The following WASHC5 variants were observed in gnomAD, a reference collection of about 807,000 sequenced individuals.
WASHC5 encodes WASH complex subunit 5.
Under a neutral mutation model 150.4 loss-of-function variants are expected in WASHC5, and 101 were observed. The observed-to-expected ratio is 0.67, with a 90% CI of 0.57 to 0.79. WASHC5 has a LOEUF of 0.79. WASHC5 is among the 30% of genes least tolerant of loss of function. WASHC5 has a pLI of 0.00. For missense variants in WASHC5, 1,195 were observed against 1,396.3 expected, an observed-to-expected ratio of 0.86 and a Z score of 2.30; for synonymous variants, 467 against 491.2, an observed-to-expected ratio of 0.95 and a Z score of 0.65.
Position 125,032,240 on chromosome 8 carries a change from C to T in WASHC5, c.3335+1G>A. The T allele has an allele frequency of 6.2e-7, 1 of 1,614,062 alleles. No individual in the cohort carries two copies. On this transcript the variant is annotated splice_donor_variant, in intron 27 of 28. Coordinates refer to ENST00000318410, the MANE Select transcript of WASHC5 (RefSeq NM_014846.4). LOFTEE classifies it high-confidence loss of function. ...ACGTAGTCCTGGTTGGTCTTCTGTACCTTGTACACTGCTCCACCGTGGAGC... is the reference window on the plus strand; with the variant it reads ...ACGTAGTCCTGGTTGGTCTTCTGTATCTTGTACACTGCTCCACCGTGGAGC...
At chr8:125,076,686 T>C (rs1369444422) in intron 6 of WASHC5, among the ~76,000 whole-genome samples, 186 bp from the exon 7 acceptor site, 1 of 150,774 alleles carries the variant, frequency 6.6e-6, no homozygotes, top group Non-Finnish European at 1.5e-5. Flanking sequence ...TTCTTATTCC[T>C]AACACCATAA....
At chr8:125,064,398 T>G (rs1816691243) in intron 10 of WASHC5, among the ~76,000 whole-genome samples, 1 of 151,300 alleles carries the variant, frequency 6.6e-6, no homozygotes, top group Non-Finnish European at 1.5e-5. Flanking sequence ...TTTTTTTTTT[T>G]TGCAGAGATG....
chr8:125,066,880 C>T (rs1357427171), intron 10 of WASHC5, among the ~76,000 whole-genome samples: 1 of 152,242 alleles, frequency 6.6e-6, no homozygotes, highest in Non-Finnish European at 1.5e-5. Flanking sequence ...CTTCCCCAGG[C>T]CCCTTCAGAA....
rs1815977710 is a variant in WASHC5 at position 125,044,041 on chromosome 8, G to A, written c.2721C>T (p.Asp907=). Residue 907 remains aspartate, a synonymous_variant, in exon 22 of 29, where the codon GAC becomes GAT. Coordinates refer to ENST00000318410, the MANE Select transcript of WASHC5 (RefSeq NM_014846.4). Reference sequence around the variant, plus strand: ...CAGCATTCATGAGGGTTTTTAAAGTGTCCTGAACAGTTCTGTCTCTCAGGA... The same window carrying A: ...CAGCATTCATGAGGGTTTTTAAAGTATCCTGAACAGTTCTGTCTCTCAGGA... ...KIILRDRTVQ[D]TLKTLMNAVS... The A allele has an allele frequency of 3.1e-6, 5 of 1,613,662 alleles. No individual in the cohort carries two copies. The highest frequency in any genetic ancestry group is 1.1e-5 in the South Asian group (1 of 91,070).
At chr8:125,036,418 T>A (rs1815707476) in intron 26 of WASHC5, among the ~76,000 whole-genome samples, 1 of 152,206 alleles carries the variant, frequency 6.6e-6, no homozygotes, top group South Asian at 2.1e-4. Context: ...ACGCCTGTAA[T>A]CTCAGCCCTT....
intron 2 of WASHC5, 22 bp downstream of exon 2, chr8:125,083,691 A>C: frequency 1.3e-6 from 2 of 1,571,078 alleles, no homozygotes; most frequent in Non-Finnish European, 1.7e-6. Context: ...ACAACAATAA[A>C]AATGCTATAG....
chr8:125,064,770 A>AT (rs911888713), intron 10 of WASHC5, among the ~76,000 whole-genome samples: 1 of 152,152 alleles, frequency 6.6e-6, no homozygotes, highest in Non-Finnish European at 1.5e-5. Context: ...TGCCAGCATC[A>AT]TAATAAATCT....
At chr8:125,057,813 A>T in intron 14 of WASHC5, 147 bp from the exon 15 acceptor site, 1 of 623,866 alleles carries the variant, frequency 1.6e-6, no homozygotes, top group Middle Eastern at 4.3e-4. Flanking sequence ...TTTTTGAAAA[A>T]CCCAAGTTAA....
intron 5 of WASHC5, among the ~76,000 whole-genome samples, chr8:125,080,691 C>T (rs1385606124): frequency 6.6e-6 from 1 of 152,162 alleles, no homozygotes; most frequent in African/African-American, 2.4e-5. Context: ...GCTCATTCAA[C>T]CAATTGAAAA....
At chr8:125,055,560 G>A in intron 17 of WASHC5, 31 bp downstream of exon 17, 1 of 1,311,928 alleles carries the variant, frequency 7.6e-7, no homozygotes, top group Non-Finnish European at 1.1e-6. Context: ...GAGTCATGGT[G>A]CGAGGCCACG....
intron 26 of WASHC5, among the ~76,000 whole-genome samples, chr8:125,034,857 C>T (rs1384373268): frequency 6.6e-6 from 1 of 152,190 alleles, no homozygotes; most frequent in African/African-American, 2.4e-5. Flanking sequence ...TAACAACAAA[C>T]ACTTCTACAA....
At chr8:125,028,203 A>G (rs1815424398) in intron 28 of WASHC5, among the ~76,000 whole-genome samples, 1 of 152,240 alleles carries the variant, frequency 6.6e-6, no homozygotes, top group South Asian at 2.1e-4. Context: ...CCATTTTTGG[A>G]AACAGTGCTC....
intron 8 of WASHC5, among the ~76,000 whole-genome samples, chr8:125,074,760 T>C (rs550452397): frequency 2.0e-5 from 3 of 152,304 alleles, no homozygotes; most frequent in Admixed American, 1.3e-4. Flanking sequence ...GCCATGCTTC[T>C]TTGTCTTAGG....
chr8:125,082,302 A>G, intron 4 of WASHC5, 81 bp downstream of exon 4: 1 of 807,966 alleles, frequency 1.2e-6, no homozygotes, highest in South Asian at 1.4e-5. Flanking sequence ...TATTTCGTAT[A>G]TATTTGTGAC....
intron 25 of WASHC5, among the ~76,000 whole-genome samples, chr8:125,038,119 A>G (rs1320945150): frequency 6.6e-6 from 1 of 152,232 alleles, no homozygotes; most frequent in Non-Finnish European, 1.5e-5. Flanking sequence ...CTTGTTATGC[A>G]GTAAATATTC....
At chr8:125,058,714 T>G (rs1816493292) in intron 14 of WASHC5, among the ~76,000 whole-genome samples, 1 of 148,354 alleles carries the variant, frequency 6.7e-6, no homozygotes, top group Non-Finnish European at 1.5e-5. Context: ...CAAAGCGAGA[T>G]TCCATCTCAA....
Position 125,044,360 on chromosome 8 carries a change from G to C in WASHC5, c.2667+176C>G. The C allele has an allele frequency of 4.0e-6, 3 of 750,124 alleles. No homozygotes were observed. The East Asian group carries it at 7.7e-5, about 19-fold the overall frequency. 46.5% of individuals were successfully genotyped at this position (750,124 alleles called of 1,614,324 possible). A position where few individuals can be genotyped will look rare whatever the true frequency, so the allele number is the denominator to read the frequency against. On this transcript the variant is annotated intron_variant, in intron 21 of 28. Coordinates refer to ENST00000318410, the MANE Select transcript of WASHC5 (RefSeq NM_014846.4). ...GTCTAATCCTAAAAGTACTATGCTG[G>C]CCAAACAAATTCTAGTTTATTCCCA...
intron 1 of WASHC5, among the ~76,000 whole-genome samples, chr8:125,084,379 G>A (rs893457337): frequency 2.0e-5 from 3 of 152,156 alleles, no homozygotes; most frequent in East Asian, 3.8e-4. Context: ...AATTTCAAAC[G>A]CTATAAAGAG....
intron 28 of WASHC5, among the ~76,000 whole-genome samples, chr8:125,025,833 G>GACACACACAC (rs34050035): frequency 0.026 from 3,814 of 148,122 alleles, 78 homozygotes; most frequent in Middle Eastern, 0.038. Context: ...TATGCAGACA[G>GACACACACAC]ACACACACAC....
Sources: gnomAD v4.1 joint callset for allele counts (sites outside exome capture counted in the v4.1 genomes callset) on GRCh38, gnomAD v4.1.1 for gene constraint, MANE v1.5 for transcripts, NCBI Gene and HGNC (gene_info 2026-07-23, HGNC 2026-07-21) for gene names.